Variants in SLCO6A1 observed in about 807,000 individuals in gnomAD.
SLCO6A1 encodes the protein solute carrier organic anion transporter family member 6A1, also known as cancer/testis antigen 48.
In SLCO6A1, 65 loss-of-function variants were observed where a neutral mutation model predicts 72.7. The ratio of observed to expected loss-of-function variants is 0.89; its 90% CI spans 0.73 to 1.10. The LOEUF (loss-of-function observed/expected upper bound fraction) is 1.10. Among genes scored for constraint, SLCO6A1 ranks in the 50% least tolerant of loss-of-function variants. The pLI, the probability that SLCO6A1 is intolerant of heterozygous loss-of-function variation, is 0.00. For synonymous variants in SLCO6A1, 314 were observed against 298.2 expected, an observed-to-expected ratio of 1.05 and a Z score of -0.55; for missense variants, 874 against 872.6, an observed-to-expected ratio of 1.00 and a Z score of -0.02.
At chr5:102,415,965 T>C (rs1023107777) in intron 8 of SLCO6A1, among the ~76,000 whole-genome samples, 2 of 152,132 alleles carry the variant, frequency 1.3e-5, no homozygotes, top group Admixed American at 6.6e-5. Flanking sequence ...ATGCTCAACA[T>C]CATTGATCAT....
chr5:102,433,856 G>A (rs79718770), intron 7 of SLCO6A1, among the ~76,000 whole-genome samples: 4,484 of 151,952 alleles, frequency 0.03, 208 homozygotes, highest in African/African-American at 0.1. Flanking sequence ...TTTTTTGAAG[G>A]AAAAAAGACA....
intron 6 of SLCO6A1, among the ~76,000 whole-genome samples, chr5:102,440,100 G>A (rs1229979996): frequency 6.6e-6 from 1 of 152,124 alleles, no homozygotes; most frequent in African/African-American, 2.4e-5. Flanking sequence ...TTGTAAAAAA[G>A]CCCAAGAGAG....
intron 6 of SLCO6A1, among the ~76,000 whole-genome samples, chr5:102,439,676 T>G (rs1188064859): frequency 6.6e-6 from 1 of 152,184 alleles, no homozygotes; most frequent in Admixed American, 6.5e-5. Flanking sequence ...CCCCTGTGCA[T>G]GTACTTTAAG....
Position 102,475,757 on chromosome 5 carries a change from A to G in SLCO6A1, c.839T>C (p.Leu280Pro), listed in dbSNP as rs141478562. Residue 280 changes from leucine (L) to proline (P), a missense_variant, in exon 4 of 14, where the codon CTG becomes CCG. Coordinates refer to ENST00000506729, the MANE Select transcript of SLCO6A1 (RefSeq NM_173488.5). Reference protein sequence around the residue: ...AECTSMIGYALGYVLGAPLVK... With the variant: ...AECTSMIGYAPGYVLGAPLVK... ...TAGTGGTGCTCCTAGCACATAACCCAGAGCATATCCAATCATTGATGTACA... is the reference window on the plus strand; with the variant it reads ...TAGTGGTGCTCCTAGCACATAACCCGGAGCATATCCAATCATTGATGTACA... The G allele has an allele frequency of 4.3e-6, 7 of 1,609,294 alleles. No homozygotes were observed. The highest frequency in any genetic ancestry group is 1.7e-4 in the Middle Eastern group (1 of 6,052).
At chr5:102,493,506 G>A (rs749740555) in intron 1 of SLCO6A1, among the ~76,000 whole-genome samples, 1 of 151,858 alleles carries the variant, frequency 6.6e-6, no homozygotes, top group Non-Finnish European at 1.5e-5. Flanking sequence ...CTGATAAAAG[G>A]CATCTTAAAA....
chr5:102,443,058 G>A (rs577085209), intron 6 of SLCO6A1, among the ~76,000 whole-genome samples: 91 of 152,224 alleles, frequency 6.0e-4, no homozygotes, highest in Non-Finnish European at 1.1e-3. Context: ...TTAGCCGGGC[G>A]TAGTGGCAGG....
At position 102,373,375 on chromosome 5, in the gene SLCO6A1, T is replaced by TCTTAA; in HGVS notation, c.2132_2136dup (p.Lys713LeufsTer25). 1 of 1,567,280 alleles carries TCTTAA rather than the reference T, an allele frequency of 6.4e-7. No individual in the cohort carries two copies. Reference sequence around the variant, plus strand: ...AGTTACAAGTCAGTTTCTTCTTTTTTCTTAACTTTTGGATTCTTCACAGTT... The same window carrying TCTTAA: ...AGTTACAAGTCAGTTTCTTCTTTTTTCTTAACTTAACTTTTGGATTCTTCACAGTT... On this transcript the variant is annotated frameshift_variant, in exon 13 of 14. Coordinates refer to ENST00000506729, the MANE Select transcript of SLCO6A1 (RefSeq NM_173488.5). LOFTEE classifies it high-confidence loss of function.
rs776645902 is a variant in SLCO6A1 at position 102,459,826 on chromosome 5, A to G, written c.900-49T>C. 29 of 1,488,088 alleles carry G rather than the reference A, an allele frequency of 1.9e-5. No individual in the cohort carries two copies. The Middle Eastern group carries it at 1.6e-3, about 82-fold the overall frequency. The allele number at this position is 1,488,088 out of a possible 1,614,324, so 92.2% of individuals were successfully genotyped here. On this transcript the variant is annotated intron_variant, in intron 4 of 13. Transcript: ENST00000506729. Reference sequence around the variant, plus strand: ...AAAAAGCAACTTTAGGTATTTGATTACAACAAAACCATAATCAAACAGAGT... The same window carrying G: ...AAAAAGCAACTTTAGGTATTTGATTGCAACAAAACCATAATCAAACAGAGT...
At chr5:102,488,498 T>C (rs1407429567) in intron 1 of SLCO6A1, among the ~76,000 whole-genome samples, 1 of 152,236 alleles carries the variant, frequency 6.6e-6, no homozygotes, top group Admixed American at 6.5e-5. Context: ...CTTCCATTAA[T>C]AGTAGACTAA....
chr5:102,430,403 T>C (rs1011677528), intron 7 of SLCO6A1, among the ~76,000 whole-genome samples: 6 of 152,186 alleles, frequency 3.9e-5, no homozygotes, highest in African/African-American at 1.4e-4. Context: ...GCTTCCAGCT[T>C]TTCCCCATTC....
At chr5:102,459,625 TC>T in intron 5 of SLCO6A1, 30 bp downstream of exon 5, 1 of 1,557,056 alleles carries the variant, frequency 6.4e-7, no homozygotes, top group Non-Finnish European at 8.6e-7. Context: ...ACTACTATCC[TC>T]CAATTTAATA....
At chr5:102,372,902 C>T (rs1384741546) in intron 13 of SLCO6A1, among the ~76,000 whole-genome samples, 1 of 151,702 alleles carries the variant, frequency 6.6e-6, no homozygotes, top group Non-Finnish European at 1.5e-5. Context: ...ATAAATATAA[C>T]TTTAATTTCA....
chr5:102,401,061 G>GC (rs1244195645), intron 9 of SLCO6A1, among the ~76,000 whole-genome samples: 2 of 45,520 alleles, frequency 4.4e-5, no homozygotes, highest in Non-Finnish European at 8.1e-5. Flanking sequence ...AGGGAATATT[G>GC]GGGGGGTTAT....
intron 7 of SLCO6A1, among the ~76,000 whole-genome samples, chr5:102,426,585 G>C (rs1580404372): frequency 6.6e-6 from 1 of 152,068 alleles, no homozygotes; most frequent in East Asian, 1.9e-4. Context: ...TCTCATGCCA[G>C]TTAGAAAGGC....
At chr5:102,449,887 A>T (rs1750322335) in intron 6 of SLCO6A1, among the ~76,000 whole-genome samples, 1 of 152,172 alleles carries the variant, frequency 6.6e-6, no homozygotes, top group Non-Finnish European at 1.5e-5. Context: ...AGTTAATTCA[A>T]ACCACTGGTC....
chr5:102,389,202 T>C (rs772778533), intron 11 of SLCO6A1, among the ~76,000 whole-genome samples: 40 of 152,152 alleles, frequency 2.6e-4, no homozygotes, highest in Non-Finnish European at 4.7e-4. Flanking sequence ...TCTTTAATTG[T>C]AAAATTTTCA....
At chr5:102,379,418 T>C (rs1352456504) in intron 12 of SLCO6A1, among the ~76,000 whole-genome samples, 1 of 152,174 alleles carries the variant, frequency 6.6e-6, no homozygotes, top group Non-Finnish European at 1.5e-5. Flanking sequence ...TATTTAGATA[T>C]GTAATGCGTC....
chr5:102,495,415 G>A (rs1370978363), intron 1 of SLCO6A1, among the ~76,000 whole-genome samples: 1 of 151,028 alleles, frequency 6.6e-6, no homozygotes, highest in Non-Finnish European at 1.5e-5. Flanking sequence ...CCAATACGGT[G>A]AAACCCCATC....
At chr5:102,446,000 C>T (rs1366749714) in intron 6 of SLCO6A1, among the ~76,000 whole-genome samples, 1 of 152,112 alleles carries the variant, frequency 6.6e-6, no homozygotes, top group Non-Finnish European at 1.5e-5. Flanking sequence ...TAGTGGCATC[C>T]TCCAGCTTTG....
Sources: allele counts gnomAD v4.1 joint callset (sites outside exome capture counted in the v4.1 genomes callset), GRCh38; gene constraint gnomAD v4.1.1; transcripts MANE v1.5; gene names NCBI Gene and HGNC (gene_info 2026-07-23, HGNC 2026-07-21).